Variants in MAP4K5 observed in about 807,000 individuals in gnomAD.
The protein encoded by MAP4K5 is MAPK/ERK kinase kinase kinase 5.
In MAP4K5, 82 loss-of-function variants were observed where a neutral mutation model predicts 135.6. The observed-to-expected ratio is 0.60, with a 90% CI of 0.51 to 0.73. The LOEUF (loss-of-function observed/expected upper bound fraction) is 0.73. Ranked by LOEUF, MAP4K5 falls within the 30% of genes least tolerant of loss-of-function variation. MAP4K5 has a pLI of 0.00. For missense variants in MAP4K5, 907 were observed against 1,010.9 expected, an observed-to-expected ratio of 0.90 and a Z score of 1.39; for synonymous variants, 347 against 335.0, an observed-to-expected ratio of 1.04 and a Z score of -0.39.
At chr14:50,496,832 A>C (rs2037605773) in intron 3 of MAP4K5, among the ~76,000 whole-genome samples, 1 of 151,982 alleles carries the variant, frequency 6.6e-6, no homozygotes, top group Admixed American at 6.6e-5. Flanking sequence ...AAAAATAAAA[A>C]TAAAAATAAA....
At chr14:50,451,141 C>T (rs2036475511) in intron 14 of MAP4K5, among the ~76,000 whole-genome samples, 1 of 151,980 alleles carries the variant, frequency 6.6e-6, no homozygotes, top group African/African-American at 2.4e-5. Flanking sequence ...GACTGAAAGT[C>T]TAGATCCAAA....
chr14:50,483,231 T>A (rs2037291019), intron 5 of MAP4K5: 1 of 152,160 alleles, frequency 6.6e-6, no homozygotes, highest in South Asian at 2.1e-4. Flanking sequence ...CAGTACCTTA[T>A]CTAAGAATTT....
chr14:50,462,216 T>TA (rs1159310823), intron 13 of MAP4K5, among the ~76,000 whole-genome samples: 1 of 152,230 alleles, frequency 6.6e-6, no homozygotes, highest in East Asian at 1.9e-4. Flanking sequence ...GCAAGGCTCT[T>TA]AAAACCTTTA....
intron 2 of MAP4K5, 27 bp downstream of exon 2, chr14:50,531,915 G>A: frequency 1.3e-6 from 2 of 1,509,228 alleles, no homozygotes; most frequent in Non-Finnish European, 1.8e-6. Flanking sequence ...TCGACCGCAG[G>A]AAAAAAGCAC....
At chr14:50,497,977 C>T (rs1450732243) in intron 3 of MAP4K5, among the ~76,000 whole-genome samples, 2 of 151,886 alleles carry the variant, frequency 1.3e-5, no homozygotes, top group Non-Finnish European at 2.9e-5. Flanking sequence ...TGTAGTTTTG[C>T]CATAAAAGAG....
chr14:50,501,091 T>C lies in MAP4K5; in HGVS notation c.166+3709A>G, dbSNP rs74542488. On this transcript the variant is annotated intron_variant, in intron 3 of 32. Coordinates refer to ENST00000682126, the MANE Select transcript of MAP4K5 (RefSeq NM_006575.6). ...TCATGGCATTTATAAATTATAAATA[T>C]TATATTTCTTAAAAGAAGGTACACA... 1.2e-4 allele frequency among the ~76,000 whole-genome samples: 18 copies of C among 152,176 alleles called. No individual in the cohort carries two copies. In the East Asian group the frequency reaches 3.1e-3, roughly 26 times the overall value.
Position 50,476,316 on chromosome 14 carries a change from T to TA in MAP4K5, c.379-11dup, listed in dbSNP as rs76595851. The TA allele has an allele frequency of 0.095, 104,490 of 1,104,024 alleles. 611 individuals carry two copies. The highest frequency in any genetic ancestry group is 0.19 in the East Asian group (5,932 of 30,840). 68.4% of individuals were successfully genotyped at this position (1,104,024 alleles called of 1,614,324 possible). On this transcript the variant is annotated splice_polypyrimidine_tract_variant and intron_variant, in intron 6 of 32. Coordinates refer to ENST00000682126, the MANE Select transcript of MAP4K5 (RefSeq NM_006575.6). ...GCAAATAGGCAAGACCCTAAAAGTT[T>TA]AAAAAAAAAAAAAAAGAATGTATCA...
At chr14:50,502,919 G>A (rs1158404110) in intron 3 of MAP4K5, among the ~76,000 whole-genome samples, 2 of 151,866 alleles carry the variant, frequency 1.3e-5, no homozygotes, top group African/African-American at 4.8e-5. Context: ...ACTTGCTCCT[G>A]ATTGAGCAAA....
At chr14:50,537,802 T>A (rs2038513549) in intron 2 of MAP4K5, among the ~76,000 whole-genome samples, 1 of 152,248 alleles carries the variant, frequency 6.6e-6, no homozygotes, top group Admixed American at 6.5e-5. Flanking sequence ...CCATTTTGAA[T>A]GGCTGTAGTT....
chr14:50,441,697 C>G (rs951320255), intron 21 of MAP4K5, among the ~76,000 whole-genome samples: 1 of 150,046 alleles, frequency 6.7e-6, no homozygotes, highest in African/African-American at 2.5e-5. Context: ...TGAAGTCCAG[C>G]CTGGGCAACA....
intron 6 of MAP4K5, among the ~76,000 whole-genome samples, chr14:50,482,087 T>A (rs1355679850): frequency 1.3e-5 from 2 of 152,194 alleles, no homozygotes; most frequent in African/African-American, 2.4e-5. Flanking sequence ...CACATGACCA[T>A]GGTGTGCATC....
intron 2 of MAP4K5, among the ~76,000 whole-genome samples, chr14:50,521,298 G>T (rs1443278154): frequency 6.6e-6 from 1 of 152,168 alleles, no homozygotes; most frequent in Non-Finnish European, 1.5e-5. Flanking sequence ...GAGGGGTAAG[G>T]CTTCTAAGCC....
upstream of MAP4K5, among the ~76,000 whole-genome samples, chr14:50,536,450 A>G (rs2038494376): frequency 6.7e-6 from 1 of 149,960 alleles, no homozygotes; most frequent in South Asian, 2.1e-4. Flanking sequence ...AAAAAAAAAA[A>G]AAAAAAATTG....
chr14:50,519,159 A>G (rs2038095513), intron 2 of MAP4K5, among the ~76,000 whole-genome samples: 1 of 151,396 alleles, frequency 6.6e-6, no homozygotes, highest in East Asian at 1.9e-4. Flanking sequence ...ATGTATATTT[A>G]CTGACAAAAA....
At chr14:50,498,112 T>C (rs1019242437) in intron 3 of MAP4K5, among the ~76,000 whole-genome samples, 3 of 152,178 alleles carry the variant, frequency 2.0e-5, no homozygotes, top group African/African-American at 7.2e-5. Flanking sequence ...AAACTGAGCA[T>C]CTGTAAAATG....
chr14:50,443,734 CT>C lies in MAP4K5; in HGVS notation c.1473del (p.Val492PhefsTer2). On this transcript the variant is annotated frameshift_variant, in exon 20 of 33. Transcript: ENST00000682126. LOFTEE classifies it high-confidence loss of function. ...CACATAAAAATATTCCTTACCAGAA[CT>C]TTTGGGGTGGGTGGAAGGCCATTGA... ...PAINGLPPTP[K>X]VLMGACFSKV... 6.3e-7 allele frequency: 1 copy of C among 1,594,688 alleles called. No individual in the cohort carries two copies. The highest frequency in any genetic ancestry group is 1.2e-5 in the South Asian group (1 of 86,398).
chr14:50,494,741 A>G (rs2139976566), intron 3 of MAP4K5, among the ~76,000 whole-genome samples: 1 of 152,282 alleles, frequency 6.6e-6, no homozygotes, highest in South Asian at 2.1e-4. Flanking sequence ...TTAAAGACCA[A>G]TGGAATAGAA....
chr14:50,540,942 G>A (rs2038552968), intron 2 of MAP4K5, among the ~76,000 whole-genome samples: 1 of 152,166 alleles, frequency 6.6e-6, no homozygotes, highest in Non-Finnish European at 1.5e-5. Flanking sequence ...CTTGGCTTGT[G>A]CAATAGCCAA....
At chr14:50,440,276 G>C (rs914912438) in intron 22 of MAP4K5, 86 bp downstream of exon 22, 26 of 855,338 alleles carry the variant, frequency 3.0e-5, no homozygotes, top group Non-Finnish European at 4.7e-5. Context: ...AATTAAAATT[G>C]GGGCCTACAC....
Sources: allele counts gnomAD v4.1 joint callset (sites outside exome capture counted in the v4.1 genomes callset), GRCh38; gene constraint gnomAD v4.1.1; transcripts MANE v1.5; gene names NCBI Gene and HGNC (gene_info 2026-07-23, HGNC 2026-07-21).